Variants in SLCO3A1 observed in about 807,000 individuals in gnomAD.
SLCO3A1 encodes PGE1 transporter.
Under a neutral mutation model 63.1 loss-of-function variants are expected in SLCO3A1, and 27 were observed. The ratio of observed to expected loss-of-function variants is 0.43; its 90% CI spans 0.32 to 0.59. The LOEUF is 0.59. Ranked by LOEUF, SLCO3A1 falls within the 20% of genes least tolerant of loss-of-function variation. The pLI, the probability that SLCO3A1 is intolerant of heterozygous loss-of-function variation, is 0.09. For synonymous variants in SLCO3A1, 473 were observed against 409.9 expected (o/e 1.15, Z -1.86); for missense variants, 773 against 945.8 (o/e 0.82, Z 2.40).
chr15:91,973,113 CAAAAA>C (rs1237873980), intron 2 of SLCO3A1, among the ~76,000 whole-genome samples: 3 of 152,166 alleles, frequency 2.0e-5, no homozygotes, highest in Non-Finnish European at 2.9e-5. Context: ...GACTCCGTCT[CAAAAA>C]GAAAAGAAAA....
At chr15:91,961,750 A>C (rs978335734) in intron 2 of SLCO3A1, among the ~76,000 whole-genome samples, 1 of 152,182 alleles carries the variant, frequency 6.6e-6, no homozygotes, top group Non-Finnish European at 1.5e-5. Context: ...TTTTCTTCAC[A>C]TATTGCCATC....
At chr15:91,953,386 G>C (rs746902642) in intron 2 of SLCO3A1, among the ~76,000 whole-genome samples, 1 of 152,190 alleles carries the variant, frequency 6.6e-6, no homozygotes, top group Non-Finnish European at 1.5e-5. Context: ...AGGCAGTGAG[G>C]CTAGAGTGCA....
At chr15:92,003,763 T>C (rs1477195331) in intron 2 of SLCO3A1, among the ~76,000 whole-genome samples, 1 of 152,138 alleles carries the variant, frequency 6.6e-6, no homozygotes, top group African/African-American at 2.4e-5. Flanking sequence ...GGGGCCAGGA[T>C]TACATGCACC....
chr15:92,148,017 G>T (rs748789715), intron 8 of SLCO3A1, among the ~76,000 whole-genome samples: 1 of 152,174 alleles, frequency 6.6e-6, no homozygotes, highest in Non-Finnish European at 1.5e-5. Context: ...AGGGGTTTGA[G>T]ACCAGCCTAG....
intron 2 of SLCO3A1, among the ~76,000 whole-genome samples, chr15:91,994,264 C>G (rs2046163154): frequency 1.3e-5 from 2 of 152,122 alleles, no homozygotes; most frequent in Middle Eastern, 3.2e-3. Context: ...ACTGTTGTTA[C>G]TCTCATTTTA....
At chr15:91,986,829 T>C (rs1486491864) in intron 2 of SLCO3A1, among the ~76,000 whole-genome samples, 2 of 152,234 alleles carry the variant, frequency 1.3e-5, no homozygotes, top group African/African-American at 4.8e-5. Flanking sequence ...AATAGGAAGA[T>C]AGAACATATT....
At position 91,882,553 on chromosome 15, in the gene SLCO3A1, C is replaced by T. The variant is rs1220852339; in HGVS notation, c.180+28465C>T. The stretch of plus-strand genomic sequence containing the variant: ...TCCTTGAGATGGAGTTTCACTCTGT[C>T]GCCCAGGCCCGAGTGCAGTGGCATG... On this transcript the variant is annotated intron_variant, in intron 1 of 9. Transcript: ENST00000318445. This position sits in a 1 kb window ranked among gnomAD's most constrained non-coding sequence, Gnocchi z 4.4. Among the ~76,000 whole-genome samples, 3 of 148,644 alleles carry T rather than the reference C, an allele frequency of 2.0e-5. No individual in the cohort carries two copies. The highest frequency in any genetic ancestry group is 3.0e-5 in the Non-Finnish European group (2 of 67,310).
At chr15:91,953,876 A>G (rs542135882) in intron 2 of SLCO3A1, among the ~76,000 whole-genome samples, 24 of 152,210 alleles carry the variant, frequency 1.6e-4, no homozygotes, top group Admixed American at 7.8e-4. Flanking sequence ...CTTTGGAACT[A>G]TATCTTCCTT....
At chr15:92,058,684 A>G (rs565575961) in intron 2 of SLCO3A1, among the ~76,000 whole-genome samples, 2 of 152,312 alleles carry the variant, frequency 1.3e-5, no homozygotes, top group African/African-American at 4.8e-5. Context: ...ACAAAGTACC[A>G]TAAACTGGGT....
At chr15:92,066,264 C>T (rs886940039) in intron 2 of SLCO3A1, among the ~76,000 whole-genome samples, 4 of 152,244 alleles carry the variant, frequency 2.6e-5, no homozygotes, top group African/African-American at 9.6e-5. Context: ...CCCTCAGGCT[C>T]TTCAGGGGAA....
Position 91,968,778 on chromosome 15 carries a change from A to G in SLCO3A1, c.646+52320A>G, listed in dbSNP as rs532495642. On this transcript the variant is annotated intron_variant, in intron 2 of 9. Coordinates refer to ENST00000318445, the MANE Select transcript of SLCO3A1 (RefSeq NM_013272.4). This position sits in a 1 kb window ranked among gnomAD's most constrained non-coding sequence, Gnocchi z 4.2. ...ACGTGTCCAGCTTCTTTGTGCGCTCACAGCAGGCACTGCACTGTCCGTGGT... is the reference window on the plus strand; with the variant it reads ...ACGTGTCCAGCTTCTTTGTGCGCTCGCAGCAGGCACTGCACTGTCCGTGGT... Among the ~76,000 whole-genome samples the G allele has an allele frequency of 5.3e-5, 8 of 152,330 alleles. No individual in the cohort carries two copies. In the South Asian group the frequency reaches 1.4e-3, roughly 28 times the overall value.
chr15:91,987,410 C>T (rs959966305), intron 2 of SLCO3A1, among the ~76,000 whole-genome samples: 3 of 152,244 alleles, frequency 2.0e-5, no homozygotes, highest in South Asian at 2.1e-4. Context: ...AGTTCTTGCT[C>T]TCTTGGAATT....
intron 2 of SLCO3A1, among the ~76,000 whole-genome samples, chr15:91,960,735 T>C (rs1007748703): frequency 1.3e-5 from 2 of 152,212 alleles, no homozygotes; most frequent in African/African-American, 4.8e-5. Context: ...TTGTCTCTTA[T>C]CCAAAATGCT....
At chr15:91,937,962 C>T (rs948149352) in intron 2 of SLCO3A1, among the ~76,000 whole-genome samples, 2 of 152,094 alleles carry the variant, frequency 1.3e-5, no homozygotes, top group African/African-American at 4.8e-5. Context: ...CCTACCTTAT[C>T]GGGCTGTTCT....
intron 1 of SLCO3A1, among the ~76,000 whole-genome samples, chr15:91,870,966 G>C (rs1173726780): frequency 1.3e-5 from 2 of 151,878 alleles, no homozygotes; most frequent in Non-Finnish European, 2.9e-5. Flanking sequence ...ATCTTTTGGG[G>C]GGTATCTTTC....
chr15:92,153,890 A>G (rs2151596280), intron 9 of SLCO3A1, among the ~76,000 whole-genome samples: 1 of 152,266 alleles, frequency 6.6e-6, no homozygotes, highest in East Asian at 1.9e-4. Context: ...GGAGCTGGAG[A>G]GGGTAGTGGA....
At chr15:92,142,499 C>T (rs1198331728) in intron 7 of SLCO3A1, among the ~76,000 whole-genome samples, 1 of 152,194 alleles carries the variant, frequency 6.6e-6, no homozygotes, top group Non-Finnish European at 1.5e-5. Flanking sequence ...CATGAGTCCT[C>T]TACCCTCGTG....
chr15:92,006,945 C>A (rs929111156), intron 2 of SLCO3A1, among the ~76,000 whole-genome samples: 5 of 152,146 alleles, frequency 3.3e-5, no homozygotes, highest in African/African-American at 1.2e-4. Context: ...AAAATAATTT[C>A]TAAAGGAAGT....
chr15:92,009,530 T>C (rs557213626), intron 2 of SLCO3A1, among the ~76,000 whole-genome samples: 10 of 152,326 alleles, frequency 6.6e-5, no homozygotes, highest in African/African-American at 2.2e-4. Context: ...GGGATTCGTG[T>C]GTCAGGAAGA....
Sources: gnomAD v4.1 joint callset for allele counts (sites outside exome capture counted in the v4.1 genomes callset) on GRCh38, gnomAD v4.1.1 for gene constraint, Gnocchi (gnomAD v3.1) non-coding constraint, MANE v1.5 for transcripts, NCBI Gene and HGNC (gene_info 2026-07-23, HGNC 2026-07-21) for gene names.